Variants in ARHGAP21 observed in about 807,000 individuals in gnomAD.
ARHGAP21 encodes rho GTPase-activating protein 21.
A neutral mutation model predicts 164.6 loss-of-function variants in ARHGAP21; 38 were observed. The ratio of observed to expected loss-of-function variants is 0.23; its 90% CI spans 0.18 to 0.30. The LOEUF is 0.30. ARHGAP21 is among the 10% of genes least tolerant of loss of function. ARHGAP21 has a pLI of 1.00. For missense variants in ARHGAP21, 1,822 were observed against 2,370.7 expected (o/e 0.77, Z 4.81); for synonymous variants, 766 against 857.9 (o/e 0.89, Z 1.87).
chr10:24,621,986 GA>G (rs949066089), intron 8 of ARHGAP21, among the ~76,000 whole-genome samples: 4 of 152,098 alleles, frequency 2.6e-5, no homozygotes, highest in Admixed American at 2.0e-4. Flanking sequence ...AATAAAGGCA[GA>G]AAAACATGAA....
chr10:24,666,410 C>A (rs755354623), intron 4 of ARHGAP21, among the ~76,000 whole-genome samples: 7 of 152,144 alleles, frequency 4.6e-5, no homozygotes, highest in Non-Finnish European at 1.0e-4. Context: ...ATTTTTGCAA[C>A]TTTGTTGTCT....
At chr10:24,716,829 T>C (rs1169695327) in intron 2 of ARHGAP21, among the ~76,000 whole-genome samples, 3 of 152,156 alleles carry the variant, frequency 2.0e-5, no homozygotes, top group African/African-American at 7.2e-5. Context: ...ATGCCTGGCC[T>C]GGAAGGATGG....
At chr10:24,669,302 C>A (rs1425518725) in intron 3 of ARHGAP21, among the ~76,000 whole-genome samples, 1 of 152,052 alleles carries the variant, frequency 6.6e-6, no homozygotes, top group Non-Finnish European at 1.5e-5. Context: ...GATAAAAATA[C>A]GGACACTACT....
intron 2 of ARHGAP21, among the ~76,000 whole-genome samples, chr10:24,695,451 TC>T (rs1843097075): frequency 6.6e-6 from 1 of 151,362 alleles, no homozygotes; most frequent in Non-Finnish European, 1.5e-5. Flanking sequence ...TGCCTGTAAT[TC>T]CAGCTACTCC....
rs1221304877 is a variant in ARHGAP21, at chr10:24,633,492, A to C, written c.362-12T>G. ...TATAATTCGGTCACCTTCAAAGAGAAGTTAAAAAACAAATGAGAGATCCTG... is the reference window on the plus strand; with the variant it reads ...TATAATTCGGTCACCTTCAAAGAGACGTTAAAAAACAAATGAGAGATCCTG... On this transcript the variant is annotated splice_polypyrimidine_tract_variant and intron_variant, in intron 5 of 25. Coordinates refer to ENST00000396432, the MANE Select transcript of ARHGAP21 (RefSeq NM_020824.4). 2 of 1,594,356 alleles carry C rather than the reference A, an allele frequency of 1.3e-6. No individual in the cohort carries two copies. The highest frequency in any genetic ancestry group is 1.7e-6 in the Non-Finnish European group (2 of 1,166,390).
chr10:24,626,801 G>C (rs905411085), intron 7 of ARHGAP21, among the ~76,000 whole-genome samples: 1 of 152,072 alleles, frequency 6.6e-6, no homozygotes, highest in Non-Finnish European at 1.5e-5. Flanking sequence ...TAAGATACCA[G>C]AGTCTAAAAT....
intron 4 of ARHGAP21, among the ~76,000 whole-genome samples, chr10:24,656,256 GT>G: frequency 7.7e-6 from 1 of 129,044 alleles, no homozygotes. Flanking sequence ...CGTCCGGGAG[GT>G]GAGAGGCACC....
At chr10:24,688,089 A>G (rs1192576339) in intron 2 of ARHGAP21, among the ~76,000 whole-genome samples, 1 of 152,236 alleles carries the variant, frequency 6.6e-6, no homozygotes, top group Non-Finnish European at 1.5e-5. Flanking sequence ...AAAGTCAGAG[A>G]TAACAGAATT....
chr10:24,607,231 A>G (rs917497578), intron 11 of ARHGAP21, among the ~76,000 whole-genome samples: 7 of 152,240 alleles, frequency 4.6e-5, no homozygotes, highest in African/African-American at 1.7e-4. Context: ...GAATTACACA[A>G]AAGAAAACAG....
chr10:24,668,521 C>T (rs1259588224), intron 3 of ARHGAP21, among the ~76,000 whole-genome samples: 1 of 152,184 alleles, frequency 6.6e-6, no homozygotes. Flanking sequence ...GCATGAGCTG[C>T]CGGGATAGGC....
At chr10:24,622,856 A>T in intron 7 of ARHGAP21, 94 bp from the exon 8 acceptor site, 2 of 1,223,668 alleles carry the variant, frequency 1.6e-6, no homozygotes, top group Non-Finnish European at 2.3e-6. Context: ...CAAGCTAAAA[A>T]TACATCTATA....
chr10:24,705,475 C>T (rs1844137682), intron 2 of ARHGAP21, among the ~76,000 whole-genome samples: 1 of 152,106 alleles, frequency 6.6e-6, no homozygotes, highest in African/African-American at 2.4e-5. Flanking sequence ...AATATTTTTT[C>T]ACCATTCCAG....
Position 24,584,665 on chromosome 10 carries a change from G to A in ARHGAP21, c.5624C>T (p.Thr1875Ile). ...TATTTCTCGTGTGCTTGGGTTCTCT[G>A]TCTGGGGATCTCCGATTTCTCCTCT... ...LSRGEIGDPQ[T>I]ENPSTREIAT... The change falls in exon 26 of 26, where the codon ACA (threonine) becomes ATA (isoleucine). Residue 1875 changes from threonine to isoleucine, a missense_variant. Around this residue, in one of 5 missense-constraint regions of ARHGAP21, gnomAD observed 165 missense variants for 176.6 expected, o/e 0.93. Coordinates refer to ENST00000396432, the MANE Select transcript of ARHGAP21 (RefSeq NM_020824.4). 1.2e-6 allele frequency: 2 copies of A among 1,613,958 alleles called. No individual in the cohort carries two copies. The highest frequency in any genetic ancestry group is 8.5e-7 in the Non-Finnish European group (1 of 1,179,862).
At chr10:24,671,307 C>T (rs1201765127) in intron 2 of ARHGAP21, among the ~76,000 whole-genome samples, 1 of 152,122 alleles carries the variant, frequency 6.6e-6, no homozygotes, top group Non-Finnish European at 1.5e-5. Context: ...TCATGACTAC[C>T]AACCTCAAGA....
chr10:24,715,331 G>A (rs1845262973), intron 2 of ARHGAP21, among the ~76,000 whole-genome samples: 1 of 151,766 alleles, frequency 6.6e-6, no homozygotes, highest in African/African-American at 2.4e-5. Flanking sequence ...TTTTTAACTG[G>A]TTATGAAATA....
rs368996204 is a variant in ARHGAP21, at chr10:24,621,014, G to A, written c.881C>T (p.Pro294Leu). 59 of 1,613,892 alleles carry A rather than the reference G, an allele frequency of 3.7e-5. No homozygotes were observed. In the Middle Eastern group the frequency reaches 6.6e-4, roughly 18 times the overall value. Reference sequence around the variant, plus strand: ...CCTCACTTCTTCAGTTCTATGTGAAGGACCTGTATGGTTGTTTCTATTGGA... The same window carrying A: ...CCTCACTTCTTCAGTTCTATGTGAAAGACCTGTATGGTTGTTTCTATTGGA... ...LLSNRNNHTG[P>L]SHRTEEVRYG... The change falls in exon 9 of 26, where the codon CCT (proline) becomes CTT (leucine). Residue 294 changes from proline (P) to leucine (L), a missense_variant. Pro to Leu is a moderately conservative substitution (Grantham distance 98, BLOSUM62 -3). Around this residue, in one of 5 missense-constraint regions of ARHGAP21, gnomAD observed 1,090 missense variants for 1,378.9 expected, o/e 0.79. Transcript: ENST00000396432.
intron 24 of ARHGAP21, chr10:24,590,271 G>T: frequency 1.3e-6 from 2 of 1,505,480 alleles, no homozygotes; most frequent in Non-Finnish European, 1.8e-6. Context: ...TTTTAAGAAA[G>T]TAGTATTGAT....
At chr10:24,591,808 C>A in intron 22 of ARHGAP21, 79 bp downstream of exon 22, 2 of 1,594,270 alleles carry the variant, frequency 1.3e-6, no homozygotes, top group Middle Eastern at 4.3e-4. Flanking sequence ...CTCTGTCTGA[C>A]CAAATAGCGG....
chr10:24,682,433 T>C (rs1841857410), intron 2 of ARHGAP21, among the ~76,000 whole-genome samples: 2 of 152,216 alleles, frequency 1.3e-5, no homozygotes, highest in South Asian at 4.1e-4. Flanking sequence ...ATATTGCCTA[T>C]TTTTAAATTA....
Sources: gnomAD v4.1 joint callset for allele counts (sites outside exome capture counted in the v4.1 genomes callset) on GRCh38, gnomAD v4.1.1 for gene constraint, gnomAD v4.1.1 regional missense constraint, MANE v1.5 for transcripts, NCBI Gene and HGNC (gene_info 2026-07-23, HGNC 2026-07-21) for gene names.